The following SCN9A variants were observed in gnomAD, a reference collection of about 807,000 sequenced individuals.
The protein encoded by SCN9A is sodium voltage-gated channel alpha subunit 9, also known as sodium channel protein type 9 subunit alpha.
A neutral mutation model predicts 187.0 loss-of-function variants in SCN9A; 131 were observed. That is an observed-to-expected ratio of 0.70 (90% CI 0.61 to 0.81). The LOEUF (loss-of-function observed/expected upper bound fraction) is 0.81, where lower values mean the gene tolerates loss of function less well. Ranked by LOEUF, SCN9A falls within the 30% of genes least tolerant of loss-of-function variation. The pLI, the probability that SCN9A is intolerant of heterozygous loss-of-function variation, is 0.00. For missense variants in SCN9A, 2,252 were observed against 2,396.6 expected, an observed-to-expected ratio of 0.94 and a Z score of 1.26; for synonymous variants, 809 against 808.6, an observed-to-expected ratio of 1.00 and a Z score of -0.01.
At chr2:166,249,393 T>C (rs1239586681) in intron 18 of SCN9A, 1 of 152,124 alleles carries the variant, frequency 6.6e-6, no homozygotes, top group Non-Finnish European at 1.5e-5. Context: ...AGGTATTTAA[T>C]AATTATTTGT....
chr2:166,368,508 C>T (rs1342240308), intron 1 of SCN9A, among the ~76,000 whole-genome samples: 2 of 152,046 alleles, frequency 1.3e-5, no homozygotes, highest in African/African-American at 4.8e-5. Flanking sequence ...TGGTACATGC[C>T]TGTAATCCCA....
chr2:166,294,810 A>G, intron 7 of SCN9A, 148 bp from the exon 8 acceptor site: 2 of 487,440 alleles, frequency 4.1e-6, no homozygotes, highest in Non-Finnish European at 7.4e-6. Context: ...CTATTTTCTC[A>G]TATATTCTCC....
intron 24 of SCN9A, among the ~76,000 whole-genome samples, chr2:166,221,303 A>AG (rs1322368904): frequency 1.3e-5 from 2 of 152,190 alleles, no homozygotes; most frequent in African/African-American, 4.8e-5. Context: ...AAATAAAAAA[A>AG]GATCCTAAAA....
At position 166,226,600 on chromosome 2, in the gene SCN9A, G is replaced by A. The variant is rs556543368; in HGVS notation, c.4365C>T (p.Val1455=). The change falls in exon 24 of 27, where the codon GTC becomes GTT. Residue 1455 remains valine (V), a synonymous_variant. Coordinates refer to ENST00000642356, the MANE Select transcript of SCN9A (RefSeq NM_001365536.1). ...TCTGTTGGTTGAAATTATCTATGAT[G>A]ACACCAATGAACAAGTTCAAAGTGA... ...SFFTLNLFIG[V]IIDNFNQQKK... The A allele has an allele frequency of 1.0e-5, 16 of 1,582,578 alleles. No individual in the cohort carries two copies. The South Asian group carries it at 1.8e-4, about 18-fold the overall frequency.
At chr2:166,212,825 A>G (rs1396374562) in intron 24 of SCN9A, among the ~76,000 whole-genome samples, 1 of 152,232 alleles carries the variant, frequency 6.6e-6, no homozygotes, top group African/African-American at 2.4e-5. Context: ...AGTCAGTAAT[A>G]GAAGGAAAAC....
chr2:166,303,315 G>A lies in SCN9A; in HGVS notation c.689-13C>T, dbSNP rs1406886407. 6.9e-6 allele frequency: 11 copies of A among 1,599,968 alleles called. No individual in the cohort carries two copies. The highest frequency in any genetic ancestry group is 5.2e-5 in the Admixed American group (3 of 57,168). On this transcript the variant is annotated splice_polypyrimidine_tract_variant and intron_variant, in intron 6 of 26. Transcript: ENST00000642356. ...ATTGTCTTCAGGCCTGAAAATGGGA[G>A]AAAAAAGTGTTTGTAATGACATAAA...
intron 1 of SCN9A, among the ~76,000 whole-genome samples, chr2:166,337,096 A>G (rs1559048896): frequency 6.6e-6 from 1 of 152,088 alleles, no homozygotes; most frequent in African/African-American, 2.4e-5. Context: ...TAAAACTGAT[A>G]TGATTGGTGG....
intron 1 of SCN9A, among the ~76,000 whole-genome samples, chr2:166,352,971 T>C (rs1353081286): frequency 6.6e-6 from 1 of 151,902 alleles, no homozygotes; most frequent in Non-Finnish European, 1.5e-5. Flanking sequence ...TAAACCAAGA[T>C]TTAAAAGTTC....
chr2:166,374,849 AC>A lies in SCN9A; in HGVS notation c.-51+847del, dbSNP rs1016963266. Among the ~76,000 whole-genome samples the A allele has an allele frequency of 2.7e-5, 4 of 150,870 alleles. No individual in the cohort carries two copies. In the East Asian group the frequency reaches 7.8e-4, roughly 29 times the overall value. On this transcript the variant is annotated intron_variant, in intron 1 of 26. Transcript: ENST00000642356. ...TCTTACTGACACTAGCTTCTTAAAA[AC>A]CCCCCTAAGTTTCTCATGTAAATTG... is the stretch of plus-strand genomic sequence containing the variant.
chr2:166,337,982 C>T (rs960056773), intron 1 of SCN9A, among the ~76,000 whole-genome samples: 1 of 151,938 alleles, frequency 6.6e-6, no homozygotes, highest in Admixed American at 6.6e-5. Context: ...ATGTACACAG[C>T]AAGTTAAGGA....
At chr2:166,224,174 A>G (rs1694747630) in intron 24 of SCN9A, among the ~76,000 whole-genome samples, 1 of 152,136 alleles carries the variant, frequency 6.6e-6, no homozygotes, top group Non-Finnish European at 1.5e-5. Context: ...GACACGCTTA[A>G]TTTATCCTAT....
At position 166,346,285 on chromosome 2, in the gene SCN9A, C is replaced by T. The variant is rs1220118529; in HGVS notation, c.-51+29412G>A. Among the ~76,000 whole-genome samples the T allele has an allele frequency of 2.0e-5, 3 of 152,222 alleles. No individual in the cohort carries two copies. In the East Asian group the frequency reaches 5.8e-4, roughly 29 times the overall value. ...TCATTATTTAGGTCTAACTAAATTC[C>T]AAATGCAATAGCAAAGATCATAGTA... On this transcript the variant is annotated intron_variant, in intron 1 of 26. Coordinates refer to ENST00000642356, the MANE Select transcript of SCN9A (RefSeq NM_001365536.1).
intron 17 of SCN9A, among the ~76,000 whole-genome samples, chr2:166,263,506 T>C (rs1389390495): frequency 2.0e-5 from 3 of 152,010 alleles, no homozygotes; most frequent in Non-Finnish European, 4.4e-5. Flanking sequence ...TTCAAATTTA[T>C]GATGCCACCA....
chr2:166,340,828 G>A, intron 1 of SCN9A, among the ~76,000 whole-genome samples: 1 of 151,758 alleles, frequency 6.6e-6, no homozygotes, highest in Non-Finnish European at 1.5e-5. Flanking sequence ...TTACTATGTT[G>A]CCCCGGCTGG....
At chr2:166,328,702 T>C (rs1054270488) in intron 1 of SCN9A, among the ~76,000 whole-genome samples, 6 of 152,070 alleles carry the variant, frequency 3.9e-5, no homozygotes, top group Non-Finnish European at 8.8e-5. Flanking sequence ...AATAGGCGCC[T>C]GTTTACATGT....
intron 1 of SCN9A, among the ~76,000 whole-genome samples, chr2:166,330,649 A>G (rs1267937422): frequency 6.6e-6 from 1 of 152,140 alleles, no homozygotes; most frequent in East Asian, 1.9e-4. Flanking sequence ...GCAGCAGGGA[A>G]GGAGGTAGGT....
chr2:166,204,564 A>C, intron 24 of SCN9A, 100 bp from the exon 25 acceptor site: 1 of 641,238 alleles, frequency 1.6e-6, no homozygotes, highest in Non-Finnish European at 2.5e-6. Context: ...TAATATAGAA[A>C]TAAAATGTAT....
At position 166,197,237 on chromosome 2, in the gene SCN9A, G is replaced by T. The variant is rs932635567; in HGVS notation, c.*1435C>A. On this transcript the variant is annotated 3_prime_UTR_variant, in exon 27 of 27. Transcript: ENST00000642356. ...TCTCATATTCCTGAAATAAACTCAC[G>T]AAAAAAAGCATTATGGTTATTTCTT... The T allele has an allele frequency of 6.6e-6, 1 of 151,704 alleles. No homozygotes were observed. Among genetic ancestry groups the T allele is most frequent in the Non-Finnish European group, 1.5e-5 (1 of 67,846 alleles). 9.4% of individuals were successfully genotyped at this position (151,704 alleles called of 1,614,324 possible).
intron 1 of SCN9A, among the ~76,000 whole-genome samples, chr2:166,315,168 T>A (rs950377211): frequency 6.6e-6 from 1 of 152,176 alleles, no homozygotes; most frequent in African/African-American, 2.4e-5. Context: ...ACGGGATAAC[T>A]TGCCTCACTA....
Sources: allele counts gnomAD v4.1 joint callset (sites outside exome capture counted in the v4.1 genomes callset), GRCh38; gene constraint gnomAD v4.1.1; transcripts MANE v1.5; gene names NCBI Gene and HGNC (gene_info 2026-07-23, HGNC 2026-07-21).